TMEFF1: variants seen among roughly 807,000 people sequenced by gnomAD.
TMEFF1 encodes the protein tomoregulin-1.
TMEFF1 carries 20 observed loss-of-function variants against 47.5 expected under a neutral mutation model. The observed-to-expected ratio is 0.42, with a 90% CI of 0.30 to 0.61. TMEFF1 has a LOEUF of 0.61. Among genes scored for constraint, TMEFF1 ranks in the 20% least tolerant of loss-of-function variants. The pLI is 0.19. For missense variants in TMEFF1, 411 were observed against 471.1 expected (o/e 0.87, Z 1.18); for synonymous variants, 162 against 166.3 (o/e 0.97, Z 0.20).
At chr9:100,489,826 A>G (rs536525866) in intron 1 of TMEFF1, among the ~76,000 whole-genome samples, 1 of 152,338 alleles carries the variant, frequency 6.6e-6, no homozygotes, top group East Asian at 1.9e-4. Context: ...TCAGAACCCC[A>G]GAGATCAGAA....
chr9:100,566,555 C>T (rs551907210), intron 8 of TMEFF1, among the ~76,000 whole-genome samples: 7 of 152,320 alleles, frequency 4.6e-5, no homozygotes, highest in Non-Finnish European at 1.0e-4. Context: ...TTCAGAATAT[C>T]TCCAGAATTT....
chr9:100,570,070 A>C (rs915086482), intron 8 of TMEFF1, among the ~76,000 whole-genome samples: 1 of 152,110 alleles, frequency 6.6e-6, no homozygotes, highest in African/African-American at 2.4e-5. Context: ...ATTTCACTTA[A>C]TATAATGTTC....
At chr9:100,554,135 TCTC>T (rs1302179260) in intron 7 of TMEFF1, among the ~76,000 whole-genome samples, 1 of 152,148 alleles carries the variant, frequency 6.6e-6, no homozygotes. Flanking sequence ...CTCATTAGTC[TCTC>T]CTCCTGCAGC....
intron 1 of TMEFF1, among the ~76,000 whole-genome samples, chr9:100,489,855 G>A (rs1008898585): frequency 2.6e-5 from 4 of 152,190 alleles, no homozygotes; most frequent in Non-Finnish European, 5.9e-5. Flanking sequence ...GAGGAAGAGA[G>A]TGTCACAGCT....
At chr9:100,533,245 A>G (rs1047126368) in intron 5 of TMEFF1, among the ~76,000 whole-genome samples, 2 of 152,302 alleles carry the variant, frequency 1.3e-5, no homozygotes, top group Admixed American at 1.3e-4. Flanking sequence ...TAATAATAAA[A>G]AAAAAATGCC....
intron 5 of TMEFF1, among the ~76,000 whole-genome samples, chr9:100,527,777 C>A (rs1342627438): frequency 6.6e-6 from 1 of 152,208 alleles, no homozygotes; most frequent in African/African-American, 2.4e-5. Context: ...TAGGCTCCAC[C>A]TCTGGGGGCA....
At chr9:100,524,375 A>G (rs892343085) in intron 5 of TMEFF1, among the ~76,000 whole-genome samples, 8 of 152,228 alleles carry the variant, frequency 5.3e-5, no homozygotes, top group Admixed American at 2.6e-4. Context: ...GGAAAGGGCA[A>G]TAGTGCCCAC....
chr9:100,483,682 A>C (rs538694871), intron 1 of TMEFF1, among the ~76,000 whole-genome samples: 75 of 152,286 alleles, frequency 4.9e-4, no homozygotes, highest in African/African-American at 1.7e-3. Context: ...AAACTTAGAA[A>C]AATGTTGTAA....
intron 5 of TMEFF1, among the ~76,000 whole-genome samples, chr9:100,527,299 C>G (rs1480009632): frequency 6.6e-6 from 1 of 152,186 alleles, no homozygotes; most frequent in Non-Finnish European, 1.5e-5. Context: ...ACGCAGAACA[C>G]GGTGATTTCT....
intron 1 of TMEFF1, among the ~76,000 whole-genome samples, chr9:100,489,357 C>T (rs1274111056): frequency 2.0e-5 from 3 of 152,208 alleles, no homozygotes; most frequent in Middle Eastern, 3.4e-3. Flanking sequence ...CATGTGCCAC[C>T]ACGCCTGGCA....
At chr9:100,570,620 C>G (rs1281493384) in intron 8 of TMEFF1, among the ~76,000 whole-genome samples, 2 of 151,276 alleles carry the variant, frequency 1.3e-5, no homozygotes, top group African/African-American at 4.8e-5. Flanking sequence ...TCTCCATTCT[C>G]TTCCATGATC....
chr9:100,556,375 A>G (rs557116492), intron 7 of TMEFF1, among the ~76,000 whole-genome samples: 1 of 152,298 alleles, frequency 6.6e-6, no homozygotes, highest in Admixed American at 6.5e-5. Context: ...AGCATCTTCA[A>G]TAAAGAGGAC....
At chr9:100,573,926 CAGAA>C (rs1839299827) in intron 9 of TMEFF1, among the ~76,000 whole-genome samples, 1 of 152,156 alleles carries the variant, frequency 6.6e-6, no homozygotes, top group Non-Finnish European at 1.5e-5. Context: ...ATAATGATAA[CAGAA>C]AGAGAAGATA....
intron 1 of TMEFF1, among the ~76,000 whole-genome samples, chr9:100,479,102 TTAATG>T (rs576570161): frequency 1.7e-4 from 26 of 152,338 alleles, no homozygotes; most frequent in African/African-American, 5.8e-4. Context: ...GTTTTTCTAA[TTAATG>T]GGGAATCTCG....
chr9:100,567,102 A>C (rs1308625658), intron 8 of TMEFF1, among the ~76,000 whole-genome samples: 4 of 152,104 alleles, frequency 2.6e-5, no homozygotes. Context: ...CACTAAGTGC[A>C]GAAGGCCCTA....
chr9:100,499,542 G>C (rs1473818076), intron 2 of TMEFF1, among the ~76,000 whole-genome samples: 1 of 152,174 alleles, frequency 6.6e-6, no homozygotes, highest in Non-Finnish European at 1.5e-5. Context: ...AAAGGAACTA[G>C]AATTTTTTTT....
intron 5 of TMEFF1, among the ~76,000 whole-genome samples, chr9:100,546,567 G>C (rs1406845176): frequency 6.6e-6 from 1 of 152,128 alleles, no homozygotes; most frequent in Non-Finnish European, 1.5e-5. Context: ...TACCCAGTTT[G>C]GCAAATGCCT....
At chr9:100,490,798 G>A (rs1335083326) in intron 1 of TMEFF1, among the ~76,000 whole-genome samples, 1 of 149,274 alleles carries the variant, frequency 6.7e-6, no homozygotes, top group African/African-American at 2.5e-5. Flanking sequence ...TACTGTTACC[G>A]GTTTTGTTTA....
chr9:100,512,246 G>A (rs1837982364), intron 3 of TMEFF1, among the ~76,000 whole-genome samples: 1 of 151,990 alleles, frequency 6.6e-6, no homozygotes, highest in Non-Finnish European at 1.5e-5. Flanking sequence ...ATGTCATTTT[G>A]TGGTTGATTA....
Sources: allele counts gnomAD v4.1 joint callset (sites outside exome capture counted in the v4.1 genomes callset), GRCh38; gene constraint gnomAD v4.1.1; transcripts MANE v1.5; gene names NCBI Gene and HGNC (gene_info 2026-07-23, HGNC 2026-07-21).